The following HECW1 variants were observed in gnomAD, a reference collection of about 807,000 sequenced individuals.
The protein encoded by HECW1 is E3 ubiquitin-protein ligase HECW1.
Under a neutral mutation model 182.3 loss-of-function variants are expected in HECW1, and 61 were observed. The observed-to-expected ratio is 0.33, with a 90% CI of 0.27 to 0.41. The LOEUF (loss-of-function observed/expected upper bound fraction) is 0.41. Among genes scored for constraint, HECW1 ranks in the 10% least tolerant of loss-of-function variants. The pLI is 1.00. For missense variants in HECW1, 1,739 were observed against 2,108.9 expected, an observed-to-expected ratio of 0.82 and a Z score of 3.44; for synonymous variants, 859 against 832.6, an observed-to-expected ratio of 1.03 and a Z score of -0.55.
At chr7:43,498,102 G>A (rs2079186256) in intron 19 of HECW1, among the ~76,000 whole-genome samples, 1 of 152,142 alleles carries the variant, frequency 6.6e-6, no homozygotes, top group Non-Finnish European at 1.5e-5. Flanking sequence ...GAGTCCCAGG[G>A]GCATCTGGAG....
At chr7:43,484,078 C>T (rs971909524) in intron 17 of HECW1, 1 of 152,276 alleles carries the variant, frequency 6.6e-6, no homozygotes, top group South Asian at 2.1e-4. Flanking sequence ...TGCAGACAGG[C>T]GTTCCAGCTC....
chr7:43,185,240 A>G (rs182088539), intron 2 of HECW1, among the ~76,000 whole-genome samples: 6 of 151,530 alleles, frequency 4.0e-5, no homozygotes. Context: ...TGGAAAGTCC[A>G]CTCCCCATGC....
intron 24 of HECW1, among the ~76,000 whole-genome samples, chr7:43,536,260 A>G (rs577259182): frequency 1.3e-5 from 2 of 152,366 alleles, no homozygotes; most frequent in Admixed American, 1.3e-4. Flanking sequence ...AATATGCTTT[A>G]TGTGTTTCTT....
At chr7:43,245,158 C>T (rs910669588) in intron 3 of HECW1, among the ~76,000 whole-genome samples, 5 of 152,202 alleles carry the variant, frequency 3.3e-5, no homozygotes, top group Admixed American at 2.6e-4. Context: ...ACTTAAATTC[C>T]CCTTTATCTC....
At chr7:43,271,860 A>T (rs1474648629) in intron 3 of HECW1, among the ~76,000 whole-genome samples, 1 of 152,196 alleles carries the variant, frequency 6.6e-6, no homozygotes, top group East Asian at 1.9e-4. Flanking sequence ...GTTAAAATTC[A>T]TATGGAACCA....
intron 6 of HECW1, among the ~76,000 whole-genome samples, chr7:43,384,481 A>T (rs1024226504): frequency 1.3e-5 from 2 of 152,210 alleles, no homozygotes; most frequent in African/African-American, 4.8e-5. Flanking sequence ...AGCTTTTCCT[A>T]AGTATCCATG....
At chr7:43,262,681 A>G (rs1801311901) in intron 3 of HECW1, among the ~76,000 whole-genome samples, 1 of 152,226 alleles carries the variant, frequency 6.6e-6, no homozygotes, top group South Asian at 2.1e-4. Context: ...GGGGAAACAA[A>G]CTATTAAAAA....
intron 3 of HECW1, among the ~76,000 whole-genome samples, chr7:43,311,211 C>A (rs1808461716): frequency 6.6e-6 from 1 of 152,176 alleles, no homozygotes; most frequent in Non-Finnish European, 1.5e-5. Context: ...TTCATAGAAA[C>A]TTCATACAGC....
chr7:43,217,986 CTGTGGGG>C (rs978734962), intron 2 of HECW1, among the ~76,000 whole-genome samples: 6 of 152,116 alleles, frequency 3.9e-5, no homozygotes, highest in African/African-American at 1.4e-4. Context: ...CCAGGGAGGC[CTGTGGGG>C]TCCACTAGAG....
intron 2 of HECW1, among the ~76,000 whole-genome samples, chr7:43,171,899 T>C (rs1048921774): frequency 6.6e-6 from 1 of 152,160 alleles, no homozygotes; most frequent in Non-Finnish European, 1.5e-5. Context: ...TGCTGTGAGC[T>C]TTAAGTTTTG....
chr7:43,429,355 G>T (rs1341991039), intron 8 of HECW1, among the ~76,000 whole-genome samples: 1 of 135,440 alleles, frequency 7.4e-6, no homozygotes, highest in African/African-American at 2.8e-5. Context: ...CAGATTCCCT[G>T]CAGTTACAAG....
In HECW1 at chr7:43,289,092, A is replaced by G. The variant is rs570499915; in HGVS notation, c.28-22671A>G. On this transcript the variant is annotated intron_variant, in intron 3 of 29. Transcript: ENST00000395891. The stretch of plus-strand genomic sequence containing the variant: ...GTGAAAGAATGGAGTGCCATCTCCA[A>G]CACTTTCTCTTTTCTTTTTTTTTTT... Among the ~76,000 whole-genome samples, 6 of 147,174 alleles carry G rather than the reference A, an allele frequency of 4.1e-5. No individual in the cohort carries two copies. The South Asian group carries it at 1.3e-3, about 32-fold the overall frequency.
At chr7:43,176,156 A>G (rs4720444) in intron 2 of HECW1, among the ~76,000 whole-genome samples, 62,648 of 152,082 alleles carry the variant, frequency 0.41, 13,127 homozygotes, top group East Asian at 0.49. Context: ...AATAATGGCA[A>G]ACATTTGTAC....
chr7:43,459,543 G>GT (rs565413703), intron 13 of HECW1, among the ~76,000 whole-genome samples: 4,595 of 145,794 alleles, frequency 0.032, 86 homozygotes, highest in Admixed American at 0.068. Context: ...GGATGATTTA[G>GT]TTTTTTTTTT....
intron 3 of HECW1, among the ~76,000 whole-genome samples, chr7:43,247,234 G>A (rs1799459305): frequency 6.6e-6 from 1 of 152,208 alleles, no homozygotes. Context: ...GACAATGGAA[G>A]AAATATGCAG....
chr7:43,286,931 A>AT (rs1469696758), intron 3 of HECW1, among the ~76,000 whole-genome samples: 4 of 152,168 alleles, frequency 2.6e-5, no homozygotes. Context: ...GCATACAATG[A>AT]TAGCAATGAC....
chr7:43,374,381 C>T (rs1410353459), intron 6 of HECW1, among the ~76,000 whole-genome samples: 2 of 152,090 alleles, frequency 1.3e-5, no homozygotes, highest in Non-Finnish European at 1.5e-5. Flanking sequence ...GACCAACAGT[C>T]ACAGGTATGT....
chr7:43,250,122 CACACACACACACGCGCACACACACAT>C (rs1037418675), intron 3 of HECW1, among the ~76,000 whole-genome samples: 2 of 100,962 alleles, frequency 2.0e-5, no homozygotes, highest in Admixed American at 2.2e-4. Flanking sequence ...AACCAAAACA[CACACACACACACGCGCACACACACAT>C]ACACACACAC....
At chr7:43,438,847 ATATACT>A (rs1382806898) in intron 9 of HECW1, 2 of 152,256 alleles carry the variant, frequency 1.3e-5, no homozygotes, top group South Asian at 2.1e-4. Context: ...ATTGATAAAC[ATATACT>A]TATATACAAT....
Sources: allele counts gnomAD v4.1 joint callset (sites outside exome capture counted in the v4.1 genomes callset), GRCh38; gene constraint gnomAD v4.1.1; transcripts MANE v1.5; gene names NCBI Gene and HGNC (gene_info 2026-07-23, HGNC 2026-07-21).